KCNIP4: variants seen among roughly 807,000 people sequenced by gnomAD.
KCNIP4 encodes the protein potassium voltage-gated channel interacting protein 4.
Under a neutral mutation model 34.0 loss-of-function variants are expected in KCNIP4, and 12 were observed. The observed-to-expected ratio is 0.35, with a 90% CI of 0.23 to 0.57. The LOEUF is 0.57. KCNIP4 is among the 20% of genes least tolerant of loss of function. KCNIP4 has a pLI of 0.83. For synonymous variants in KCNIP4, 124 were observed against 102.2 expected (o/e 1.21, Z -1.29); for missense variants, 238 against 311.7 (o/e 0.76, Z 1.78).
At chr4:21,294,293 G>A (rs888933817) in intron 1 of KCNIP4, among the ~76,000 whole-genome samples, 25 of 152,090 alleles carry the variant, frequency 1.6e-4, no homozygotes, top group Non-Finnish European at 3.5e-4. Context: ...TTGACTCTGT[G>A]TCTTCCCATT....
intron 1 of KCNIP4, among the ~76,000 whole-genome samples, chr4:21,237,055 A>G (rs921207701): frequency 6.6e-6 from 1 of 152,070 alleles, no homozygotes; most frequent in African/African-American, 2.4e-5. Context: ...TTATTCTCTA[A>G]ATTACAGCCC....
chr4:21,644,432 C>T (rs1290834583), intron 1 of KCNIP4, among the ~76,000 whole-genome samples: 1 of 152,136 alleles, frequency 6.6e-6, no homozygotes, highest in Non-Finnish European at 1.5e-5. Flanking sequence ...TCTTGAGGGG[C>T]ATAGATCCAA....
chr4:21,006,488 A>T (rs1052227140), intron 1 of KCNIP4, among the ~76,000 whole-genome samples: 1 of 152,146 alleles, frequency 6.6e-6, no homozygotes, highest in African/African-American at 2.4e-5. Context: ...AGACATTGCC[A>T]CTCCTCATTG....
At chr4:21,321,758 G>A (rs1433556860) in intron 1 of KCNIP4, among the ~76,000 whole-genome samples, 2 of 148,700 alleles carry the variant, frequency 1.3e-5, no homozygotes, top group Non-Finnish European at 3.0e-5. Context: ...AGGAGGGAAG[G>A]AAGGAAAGAA....
At chr4:20,783,021 A>G (rs1757001801) in intron 3 of KCNIP4, among the ~76,000 whole-genome samples, 1 of 152,196 alleles carries the variant, frequency 6.6e-6, no homozygotes, top group Non-Finnish European at 1.5e-5. Flanking sequence ...AAAGTTCCAC[A>G]AATCTCTGCA....
At chr4:20,927,130 C>A (rs1037721897) in intron 1 of KCNIP4, among the ~76,000 whole-genome samples, 15 of 152,078 alleles carry the variant, frequency 9.9e-5, no homozygotes, top group African/African-American at 3.6e-4. Context: ...AGGTCCATGT[C>A]ACCACACCTG....
intron 1 of KCNIP4, among the ~76,000 whole-genome samples, chr4:21,482,730 T>C (rs1423651084): frequency 6.6e-6 from 1 of 152,158 alleles, no homozygotes; most frequent in Non-Finnish European, 1.5e-5. Context: ...CCTTTCTCTC[T>C]GGCTACCCTT....
chr4:20,931,734 G>T (rs1004939585), intron 1 of KCNIP4, among the ~76,000 whole-genome samples: 10 of 152,162 alleles, frequency 6.6e-5, no homozygotes, highest in African/African-American at 1.9e-4. Flanking sequence ...TAAAAAAGAA[G>T]GTCAAATATG....
Position 21,121,517 on chromosome 4 carries a change from C to T in KCNIP4, c.62-238808G>A, listed in dbSNP as rs553147765. 2.1e-4 allele frequency among the ~76,000 whole-genome samples: 32 copies of T among 152,326 alleles called. 1 individual carries two copies. The highest frequency in any genetic ancestry group is 7.7e-4 in the African/African-American group (32 of 41,584). On this transcript the variant is annotated intron_variant, in intron 1 of 8. Coordinates refer to ENST00000382152, the MANE Select transcript of KCNIP4 (RefSeq NM_025221.6). Reference sequence around the variant, plus strand: ...TCTTAGAAAGTAAAAGTGCTGACTGCATGCCTTCTCATTTGGAAGGCAGCA... The same window carrying T: ...TCTTAGAAAGTAAAAGTGCTGACTGTATGCCTTCTCATTTGGAAGGCAGCA...
chr4:21,935,661 C>T (rs532477762), intron 1 of KCNIP4, among the ~76,000 whole-genome samples: 1 of 151,974 alleles, frequency 6.6e-6, no homozygotes, highest in South Asian at 2.1e-4. Context: ...CTCAGAACTC[C>T]CTCCCTCCAC....
chr4:20,998,250 G>A (rs1423234689), intron 1 of KCNIP4, among the ~76,000 whole-genome samples: 1 of 152,194 alleles, frequency 6.6e-6, no homozygotes, highest in African/African-American at 2.4e-5. Flanking sequence ...GTCAAGAGAA[G>A]AGAGAGCATC....
intron 1 of KCNIP4, among the ~76,000 whole-genome samples, chr4:21,195,873 C>T (rs11943638): frequency 0.014 from 2,142 of 152,282 alleles, 54 homozygotes; most frequent in African/African-American, 0.049. Context: ...ATGAGGGTTA[C>T]ATGAGTAACC....
intron 1 of KCNIP4, among the ~76,000 whole-genome samples, chr4:21,125,862 G>A (rs1482178278): frequency 1.3e-5 from 2 of 152,064 alleles, no homozygotes; most frequent in African/African-American, 4.8e-5. Flanking sequence ...TCTATAAGGA[G>A]CACACTATAA....
chr4:21,425,493 AG>A (rs1455735212), intron 1 of KCNIP4, among the ~76,000 whole-genome samples: 3 of 152,206 alleles, frequency 2.0e-5, no homozygotes, highest in African/African-American at 7.2e-5. Flanking sequence ...TAAAGTGGTA[AG>A]AATTTATTTA....
intron 1 of KCNIP4, among the ~76,000 whole-genome samples, chr4:21,618,601 T>C (rs924923796): frequency 1.4e-5 from 2 of 147,120 alleles, no homozygotes; most frequent in African/African-American, 2.5e-5. Flanking sequence ...TGTATTTATA[T>C]ATTTTCTTTT....
intron 1 of KCNIP4, among the ~76,000 whole-genome samples, chr4:21,532,114 C>A (rs1736731767): frequency 6.6e-6 from 1 of 151,912 alleles, no homozygotes; most frequent in Non-Finnish European, 1.5e-5. Flanking sequence ...CACTTAACTG[C>A]AAAACGAAGT....
intron 1 of KCNIP4, among the ~76,000 whole-genome samples, chr4:21,799,776 C>A (rs1304444004): frequency 2.0e-5 from 3 of 152,172 alleles, no homozygotes; most frequent in Non-Finnish European, 2.9e-5. Context: ...TTCCTTCCCT[C>A]CTTCTCCCTA....
At chr4:21,777,754 A>C (rs925887619) in intron 1 of KCNIP4, among the ~76,000 whole-genome samples, 9 of 152,214 alleles carry the variant, frequency 5.9e-5, no homozygotes, top group Non-Finnish European at 5.9e-5. Context: ...CTCATTAAAA[A>C]CATACAGCTT....
intron 1 of KCNIP4, among the ~76,000 whole-genome samples, chr4:21,861,012 C>A (rs1047608695): frequency 6.6e-6 from 1 of 152,132 alleles, no homozygotes; most frequent in African/African-American, 2.4e-5. Flanking sequence ...CAGAGCAGAA[C>A]AAACTATTCA....
Sources: allele counts gnomAD v4.1 joint callset (sites outside exome capture counted in the v4.1 genomes callset), GRCh38; gene constraint gnomAD v4.1.1; transcripts MANE v1.5; gene names NCBI Gene and HGNC (gene_info 2026-07-23, HGNC 2026-07-21).